Variants in LY96 observed in about 807,000 individuals in gnomAD.
LY96 encodes lymphocyte antigen 96.
LY96 carries 18 observed loss-of-function variants against 18.9 expected under a neutral mutation model. The observed-to-expected ratio is 0.95, with a 90% CI of 0.66 to 1.41. The LOEUF (loss-of-function observed/expected upper bound fraction) is 1.41. Ranked by LOEUF, LY96 falls within the 40% of genes most tolerant of loss-of-function variation. The pLI, the probability that LY96 is intolerant of heterozygous loss-of-function variation, is 0.00. For missense variants in LY96, 175 were observed against 182.4 expected (o/e 0.96, Z 0.23); for synonymous variants, 66 against 62.6 (o/e 1.06, Z -0.26).
At chr8:74,018,446 A>G (rs1055607428) in intron 3 of LY96, among the ~76,000 whole-genome samples, 1 of 152,172 alleles carries the variant, frequency 6.6e-6, no homozygotes, top group Non-Finnish European at 1.5e-5. Flanking sequence ...ACCTACAAAG[A>G]GACTTAGACT....
intron 3 of LY96, among the ~76,000 whole-genome samples, chr8:74,015,651 A>G (rs1390633323): frequency 1.3e-5 from 2 of 152,196 alleles, no homozygotes; most frequent in Non-Finnish European, 2.9e-5. Flanking sequence ...GCTTCAACAT[A>G]TCTTTTTGGG....
intron 1 of LY96, among the ~76,000 whole-genome samples, chr8:74,002,032 T>G (rs1424839840): frequency 7.6e-5 from 2 of 26,410 alleles, no homozygotes; most frequent in Non-Finnish European, 1.3e-4. Context: ...CCTTCCTTCC[T>G]TCCTTCCTTC....
At chr8:74,029,563 T>C (rs1321592644), downstream of LY96, among the ~76,000 whole-genome samples, 2 of 152,162 alleles carry the variant, frequency 1.3e-5, no homozygotes, top group South Asian at 2.1e-4. Context: ...CCTGCCACCA[T>C]ACGAAGAAGG....
At chr8:74,045,769 C>A in the LY96 span, among the ~76,000 whole-genome samples, 1 of 152,086 alleles carries the variant, frequency 6.6e-6, no homozygotes, top group Non-Finnish European at 1.5e-5. Context: ...AAGACCGCCC[C>A]CCTACCTCCT....
At chr8:74,005,385 A>G (rs1324753535) in intron 2 of LY96, among the ~76,000 whole-genome samples, 1 of 152,194 alleles carries the variant, frequency 6.6e-6, no homozygotes. Context: ...GCTGTGTTCT[A>G]TTGGTTAGAA....
At chr8:74,073,199 C>A in the LY96 span, among the ~76,000 whole-genome samples, 1 of 152,134 alleles carries the variant, frequency 6.6e-6, no homozygotes, top group Non-Finnish European at 1.5e-5. Context: ...GGTCCTTTAT[C>A]GAGAACCTAA....
intron 3 of LY96, among the ~76,000 whole-genome samples, chr8:74,011,858 CAA>C (rs570734407): frequency 0.011 from 727 of 65,390 alleles, 3 homozygotes; most frequent in Middle Eastern, 0.018. Flanking sequence ...GACTCCATCT[CAA>C]AAAAAAAAAA....
chr8:74,012,726 T>C (rs1214229279), intron 3 of LY96, among the ~76,000 whole-genome samples: 7 of 152,132 alleles, frequency 4.6e-5, no homozygotes, highest in Non-Finnish European at 1.0e-4. Context: ...ACAAAATTTA[T>C]AATAAAATTA....
chr8:74,036,138 G>T, the LY96 span, among the ~76,000 whole-genome samples: 1 of 152,184 alleles, frequency 6.6e-6, no homozygotes, highest in Non-Finnish European at 1.5e-5. Context: ...TTAACTTTGG[G>T]AGGAATTTAA....
At chr8:74,046,244 A>C in the LY96 span, among the ~76,000 whole-genome samples, 1 of 152,204 alleles carries the variant, frequency 6.6e-6, no homozygotes, top group Non-Finnish European at 1.5e-5. Flanking sequence ...GTGCCACTGC[A>C]CTCAGGCCTG....
chr8:74,034,639 G>A, the LY96 span, among the ~76,000 whole-genome samples: 1 of 151,776 alleles, frequency 6.6e-6, no homozygotes, highest in Non-Finnish European at 1.5e-5. Flanking sequence ...ATTTTTCCTT[G>A]TTTTACCTCC....
intron 3 of LY96, among the ~76,000 whole-genome samples, chr8:74,011,980 G>C (rs967132760): frequency 6.6e-6 from 1 of 151,968 alleles, no homozygotes; most frequent in African/African-American, 2.4e-5. Context: ...GCAAATTAAA[G>C]TTGCAATGAG....
intron 3 of LY96, among the ~76,000 whole-genome samples, chr8:74,017,983 A>AC (rs1312247054): frequency 2.0e-5 from 3 of 152,248 alleles, no homozygotes; most frequent in Non-Finnish European, 4.4e-5. Context: ...CTAGGAAGAA[A>AC]CTGCATAAAT....
At chr8:74,029,902 G>A (rs1051416137), downstream of LY96, among the ~76,000 whole-genome samples, 1 of 151,896 alleles carries the variant, frequency 6.6e-6, no homozygotes, top group Non-Finnish European at 1.5e-5. Context: ...TCAGGTGATC[G>A]GACTCCCAAA....
chr8:74,024,287 A>G (rs1489832137), intron 3 of LY96, among the ~76,000 whole-genome samples: 2 of 151,592 alleles, frequency 1.3e-5, no homozygotes, highest in African/African-American at 4.8e-5. Flanking sequence ...TCAATTTGTG[A>G]TAAATACTCT....
intron 3 of LY96, among the ~76,000 whole-genome samples, chr8:74,017,170 A>T (rs1246254956): frequency 1.3e-5 from 2 of 152,210 alleles, no homozygotes; most frequent in Non-Finnish European, 2.9e-5. Context: ...GATTGGATGA[A>T]TGGCTAACTA....
chr8:74,098,618 C>T, the LY96 span, among the ~76,000 whole-genome samples: 1 of 152,228 alleles, frequency 6.6e-6, no homozygotes, highest in Non-Finnish European at 1.5e-5. Flanking sequence ...GATCCACCCA[C>T]CTTGGCCTCC....
At chr8:73,994,128 A>G (rs1324445662) in intron 1 of LY96, among the ~76,000 whole-genome samples, 1 of 152,016 alleles carries the variant, frequency 6.6e-6, no homozygotes, top group Non-Finnish European at 1.5e-5. Flanking sequence ...GAGATTACAG[A>G]TATGCACCAC....
chr8:74,093,468 T>C, the LY96 span, among the ~76,000 whole-genome samples: 1 of 152,234 alleles, frequency 6.6e-6, no homozygotes, highest in African/African-American at 2.4e-5. Context: ...TGTTGTGCAT[T>C]TGGTACATTC....
Sources: gnomAD v4.1 joint callset for allele counts (sites outside exome capture counted in the v4.1 genomes callset) on GRCh38, gnomAD v4.1.1 for gene constraint, MANE v1.5 for transcripts, NCBI Gene and HGNC (gene_info 2026-07-23, HGNC 2026-07-21) for gene names.